The following CTNNAL1 variants were observed in gnomAD, a reference collection of about 807,000 sequenced individuals.
CTNNAL1 encodes catenin alpha like 1, also known as alpha-catulin.
Under a neutral mutation model 93.6 loss-of-function variants are expected in CTNNAL1, and 69 were observed. That is an observed-to-expected ratio of 0.74 (90% confidence interval 0.61 to 0.90). CTNNAL1 has a LOEUF of 0.90. Ranked by LOEUF, CTNNAL1 falls within the 40% of genes least tolerant of loss-of-function variation. CTNNAL1 has a pLI of 0.00. For missense variants in CTNNAL1, 836 were observed against 862.0 expected (o/e 0.97, Z 0.38); for synonymous variants, 286 against 305.4 (o/e 0.94, Z 0.66).
chr9:108,999,287 C>T, intron 1 of CTNNAL1, 31 bp from the exon 2 acceptor site: 1 of 1,563,168 alleles, frequency 6.4e-7, no homozygotes, highest in African/African-American at 1.4e-5. Context: ...CAACTTTTAT[C>T]TCAATACCTT....
At position 108,942,744 on chromosome 9, in the gene CTNNAL1, C is replaced by G; in HGVS notation, c.*25G>C. On this transcript the variant is annotated 3_prime_UTR_variant, in exon 19 of 19. Coordinates refer to ENST00000325551, the MANE Select transcript of CTNNAL1 (RefSeq NM_003798.4). ...AATGTCAGCTTCATCACATGATGTT[C>G]CAGAGATCTGACCCCAAAAGCTTCT... 1 of 1,409,264 alleles carries G rather than the reference C, an allele frequency of 7.1e-7. No homozygotes were observed. Among genetic ancestry groups the G allele is most frequent in the Non-Finnish European group, 1.0e-6 (1 of 999,646 alleles). The allele number at this position is 1,409,264 out of a possible 1,614,324, so 87.3% of individuals were successfully genotyped here.
intron 3 of CTNNAL1, among the ~76,000 whole-genome samples, chr9:108,991,554 A>C (rs1311654068): frequency 1.3e-5 from 2 of 152,186 alleles, no homozygotes; most frequent in Admixed American, 1.3e-4. Context: ...AAAAAAACAC[A>C]GATATCCTCT....
At position 109,002,922 on chromosome 9, in the gene CTNNAL1, G is replaced by A. The variant is rs1826892402; in HGVS notation, c.142-3666C>T. ...GCAAGAGAATCGCTTGAATCTGGGA[G>A]GTAGAGATTGCAGTAAGCCAAGATC... On this transcript the variant is annotated intron_variant, in intron 1 of 18. Transcript: ENST00000325551. Among the ~76,000 whole-genome samples the A allele has an allele frequency of 2.6e-5, 4 of 152,232 alleles. No homozygotes were observed. In the South Asian group the frequency reaches 8.3e-4, roughly 32 times the overall value.
intron 1 of CTNNAL1, among the ~76,000 whole-genome samples, chr9:109,003,800 T>C (rs779032299): frequency 6.6e-6 from 1 of 152,214 alleles, no homozygotes; most frequent in Non-Finnish European, 1.5e-5. Context: ...GATTTCCAGC[T>C]GATGTTGTGA....
chr9:108,987,966 A>G lies in CTNNAL1; in HGVS notation c.639+2760T>C, dbSNP rs556997633. On this transcript the variant is annotated intron_variant, in intron 4 of 18. Coordinates refer to ENST00000325551, the MANE Select transcript of CTNNAL1 (RefSeq NM_003798.4). Reference sequence around the variant, plus strand: ...GGTTTTCTAGATATACAATCATGTCATCTGCAAACAGGGACAATTTGACTT... The same window carrying G: ...GGTTTTCTAGATATACAATCATGTCGTCTGCAAACAGGGACAATTTGACTT... 1.9e-3 allele frequency among the ~76,000 whole-genome samples: 295 copies of G among 152,314 alleles called. 2 individuals are homozygous for G. The highest frequency in any genetic ancestry group is 6.6e-3 in the African/African-American group (276 of 41,556).
rs191078247 is a variant in CTNNAL1, at chr9:108,970,504, A to G, written c.1348-10T>C. The G allele has an allele frequency of 4.4e-6, 7 of 1,605,094 alleles. No individual in the cohort carries two copies. The highest frequency in any genetic ancestry group is 1.1e-5 in the South Asian group (1 of 89,382). ...GTAACAATCGACAGGTCTACAAGAC[A>G]ATATGTCTACAGTTTAACTTTCACA... is the stretch of plus-strand genomic sequence containing the variant. On this transcript the variant is annotated splice_polypyrimidine_tract_variant and intron_variant, in intron 9 of 18. Coordinates refer to ENST00000325551, the MANE Select transcript of CTNNAL1 (RefSeq NM_003798.4).
chr9:108,996,472 A>G (rs1280505458), intron 2 of CTNNAL1, among the ~76,000 whole-genome samples: 1 of 152,192 alleles, frequency 6.6e-6, no homozygotes, highest in Non-Finnish European at 1.5e-5. Flanking sequence ...CCTGAGTGAC[A>G]CTAGGAGGAA....
chr9:108,979,942 T>C (rs1831380883), intron 6 of CTNNAL1, among the ~76,000 whole-genome samples: 1 of 152,214 alleles, frequency 6.6e-6, no homozygotes, highest in Non-Finnish European at 1.5e-5. Context: ...CCATTTTTCC[T>C]TTGTTAATTC....
At chr9:108,957,439 T>A (rs562503688) in intron 11 of CTNNAL1, among the ~76,000 whole-genome samples, 1 of 152,146 alleles carries the variant, frequency 6.6e-6, no homozygotes, top group African/African-American at 2.4e-5. Flanking sequence ...TCAAATTATA[T>A]ATGTGTGTCA....
intron 5 of CTNNAL1, among the ~76,000 whole-genome samples, chr9:108,983,907 G>A (rs983179789): frequency 6.6e-6 from 1 of 152,166 alleles, no homozygotes; most frequent in Non-Finnish European, 1.5e-5. Context: ...AAATACTCTT[G>A]ATTGATAATT....
At chr9:108,955,703 G>T in intron 12 of CTNNAL1, 87 bp downstream of exon 12, 1 of 1,131,238 alleles carries the variant, frequency 8.8e-7, no homozygotes, top group Non-Finnish European at 1.3e-6. Context: ...AATTATTTGT[G>T]GTAGAGGGGA....
At chr9:108,950,587 C>A (rs1294510968) in intron 14 of CTNNAL1, 3 of 1,550,152 alleles carry the variant, frequency 1.9e-6, no homozygotes, top group Non-Finnish European at 2.6e-6. Context: ...ATCTTCCCCA[C>A]TCTTAATCCT....
intron 7 of CTNNAL1, among the ~76,000 whole-genome samples, chr9:108,978,664 G>T (rs1831332741): frequency 6.6e-6 from 1 of 152,114 alleles, no homozygotes; most frequent in Non-Finnish European, 1.5e-5. Context: ...GGCCATTCTT[G>T]CCCAAATAAG....
intron 1 of CTNNAL1, among the ~76,000 whole-genome samples, chr9:109,001,172 CAAAAAA>C (rs757020475): frequency 3.5e-5 from 2 of 56,800 alleles, no homozygotes; most frequent in African/African-American, 1.5e-4. Flanking sequence ...ACTCCATCTC[CAAAAAA>C]AAAAAAAAAA....
chr9:108,955,647 CA>C (rs1378380560), intron 12 of CTNNAL1, 142 bp downstream of exon 12: 1 of 739,372 alleles, frequency 1.4e-6, no homozygotes, highest in Admixed American at 2.6e-5. Flanking sequence ...CCCAGAATAA[CA>C]ACTCTGAAGT....
chr9:109,000,937 C>T (rs1460378780), intron 1 of CTNNAL1, among the ~76,000 whole-genome samples: 3 of 149,480 alleles, frequency 2.0e-5, no homozygotes, highest in East Asian at 2.0e-4. Context: ...CAGAGGCAGG[C>T]GGATCACAAG....
chr9:108,946,481 A>T (rs1830408066), intron 15 of CTNNAL1, among the ~76,000 whole-genome samples: 1 of 152,044 alleles, frequency 6.6e-6, no homozygotes, highest in Admixed American at 6.6e-5. Flanking sequence ...ACCCACATTT[A>T]TCCATCCAAC....
chr9:108,996,971 T>G (rs775116073), intron 2 of CTNNAL1, among the ~76,000 whole-genome samples: 1 of 152,204 alleles, frequency 6.6e-6, no homozygotes, highest in Admixed American at 6.5e-5. Context: ...ATAAATTTCA[T>G]GCTTAATTAA....
chr9:108,982,907 G>A (rs1247176566), intron 6 of CTNNAL1, among the ~76,000 whole-genome samples: 7 of 151,906 alleles, frequency 4.6e-5, no homozygotes, highest in African/African-American at 9.7e-5. Flanking sequence ...GTGAAACCCC[G>A]TCTCTACCAA....
Sources: gnomAD v4.1 joint callset for allele counts (sites outside exome capture counted in the v4.1 genomes callset) on GRCh38, gnomAD v4.1.1 for gene constraint, MANE v1.5 for transcripts, NCBI Gene and HGNC (gene_info 2026-07-23, HGNC 2026-07-21) for gene names.